The following PXDNL variants were observed in gnomAD, a reference collection of about 807,000 sequenced individuals.
The protein encoded by PXDNL is peroxidasin like, also known as probable oxidoreductase PXDNL.
In PXDNL, 145 loss-of-function variants were observed where a neutral mutation model predicts 150.8. The ratio of observed to expected loss-of-function variants is 0.96; its 90% CI spans 0.84 to 1.10. PXDNL has a LOEUF of 1.10. PXDNL is among the 50% of genes least tolerant of loss of function. The pLI is 0.00. For missense variants in PXDNL, 2,087 were observed against 1,873.9 expected (o/e 1.11, Z -2.10); for synonymous variants, 757 against 725.7 (o/e 1.04, Z -0.69).
At chr8:51,557,240 A>G (rs904295702) in intron 3 of PXDNL, among the ~76,000 whole-genome samples, 11 of 152,106 alleles carry the variant, frequency 7.2e-5, no homozygotes, top group African/African-American at 2.4e-4. Flanking sequence ...AATTTTTTAA[A>G]ATTTATTTTA....
intron 4 of PXDNL, among the ~76,000 whole-genome samples, chr8:51,500,501 C>T (rs1193623441): frequency 6.6e-6 from 1 of 152,210 alleles, no homozygotes; most frequent in Non-Finnish European, 1.5e-5. Flanking sequence ...TTGAGCAGAC[C>T]TTTGTGAAGC....
At chr8:51,470,092 C>T (rs889225285) in intron 8 of PXDNL, among the ~76,000 whole-genome samples, 1 of 151,960 alleles carries the variant, frequency 6.6e-6, no homozygotes, top group Non-Finnish European at 1.5e-5. Context: ...CTTGAACACA[C>T]CATTTTAAAA....
At position 51,339,669 on chromosome 8, in the gene PXDNL, C is replaced by T. The variant is rs370396478; in HGVS notation, c.4101G>A (p.Thr1367=). ...AKTKFSQDFS[T]FAAEIQETIT... ...TGGTTTCCTGAATTTCCGCTGCAAACGTGCTGAAATCTTGGGAGAACTTTG... is the reference window on the plus strand; with the variant it reads ...TGGTTTCCTGAATTTCCGCTGCAAATGTGCTGAAATCTTGGGAGAACTTTG... The change falls in exon 21 of 23, where the codon ACG becomes ACA. Residue 1367 remains threonine (T), a synonymous_variant. Transcript: ENST00000356297. 4.0e-5 allele frequency: 64 copies of T among 1,613,602 alleles called. No individual in the cohort carries two copies. The highest frequency in any genetic ancestry group is 2.0e-4 in the African/African-American group (15 of 74,924).
intron 14 of PXDNL, among the ~76,000 whole-genome samples, chr8:51,415,167 A>C (rs955162718): frequency 2.6e-5 from 4 of 152,222 alleles, no homozygotes; most frequent in Non-Finnish European, 5.9e-5. Context: ...ATTGAAATCC[A>C]CAAGGGTATG....
chr8:51,343,812 C>G (rs1806063828), intron 20 of PXDNL, among the ~76,000 whole-genome samples: 1 of 152,142 alleles, frequency 6.6e-6, no homozygotes, highest in Admixed American at 6.5e-5. Context: ...AACGCTTCAC[C>G]TGAATCAATG....
chr8:51,623,765 T>G (rs1210861303), intron 2 of PXDNL, among the ~76,000 whole-genome samples: 1 of 152,060 alleles, frequency 6.6e-6, no homozygotes, highest in Non-Finnish European at 1.5e-5. Flanking sequence ...TGCCATAAAG[T>G]TTGTTTAAAG....
chr8:51,332,623 G>C (rs1805723294), intron 21 of PXDNL, among the ~76,000 whole-genome samples: 1 of 151,436 alleles, frequency 6.6e-6, no homozygotes, highest in Admixed American at 6.6e-5. Context: ...CAATGAAATA[G>C]AGTGCTTAAA....
At chr8:51,595,553 G>C (rs1418119612) in intron 2 of PXDNL, among the ~76,000 whole-genome samples, 1 of 151,960 alleles carries the variant, frequency 6.6e-6, no homozygotes. Context: ...TGCTTGTTAT[G>C]GTTATGCTTA....
intron 21 of PXDNL, 151 bp from the exon 22 acceptor site, chr8:51,321,048 C>G (rs1467676006): frequency 1.6e-6 from 1 of 615,968 alleles, no homozygotes; most frequent in African/African-American, 1.9e-5. Context: ...TTTCATTTTC[C>G]CCCAGGACTT....
intron 2 of PXDNL, among the ~76,000 whole-genome samples, chr8:51,613,180 A>T (rs1234564203): frequency 2.0e-5 from 3 of 152,110 alleles, no homozygotes; most frequent in Non-Finnish European, 2.9e-5. Flanking sequence ...CTGGATTACC[A>T]GAGGATGCTG....
chr8:51,359,411 T>C (rs1382430718), intron 19 of PXDNL, among the ~76,000 whole-genome samples: 3 of 152,144 alleles, frequency 2.0e-5, no homozygotes, highest in Admixed American at 2.0e-4. Context: ...TTGATCTCTG[T>C]TGAGACTGAT....
chr8:51,750,576 G>A (rs1030562996), intron 1 of PXDNL, among the ~76,000 whole-genome samples: 1 of 152,174 alleles, frequency 6.6e-6, no homozygotes, highest in African/African-American at 2.4e-5. Flanking sequence ...TCATTATGTG[G>A]TGCATGACTG....
intron 19 of PXDNL, among the ~76,000 whole-genome samples, chr8:51,347,990 C>G (rs1806213744): frequency 6.6e-6 from 1 of 152,140 alleles, no homozygotes; most frequent in South Asian, 2.1e-4. Flanking sequence ...CTTTCTATTT[C>G]TGAATAGCAC....
intron 2 of PXDNL, among the ~76,000 whole-genome samples, chr8:51,617,469 G>A (rs963150798): frequency 6.6e-6 from 1 of 152,178 alleles, no homozygotes; most frequent in Non-Finnish European, 1.5e-5. Flanking sequence ...TTGTTTCACT[G>A]CCACTGCAAA....
intron 3 of PXDNL, among the ~76,000 whole-genome samples, chr8:51,560,315 A>G (rs920096020): frequency 1.1e-4 from 17 of 151,998 alleles, no homozygotes; most frequent in African/African-American, 4.1e-4. Flanking sequence ...AGGGAATCTC[A>G]TCCTAAAATC....
At chr8:51,710,507 A>G (rs1419077469) in intron 1 of PXDNL, among the ~76,000 whole-genome samples, 1 of 152,196 alleles carries the variant, frequency 6.6e-6, no homozygotes, top group African/African-American at 2.4e-5. Flanking sequence ...AATGCAACCA[A>G]CTATAGTCAC....
At chr8:51,750,846 C>T (rs1450052413) in intron 1 of PXDNL, among the ~76,000 whole-genome samples, 2 of 152,094 alleles carry the variant, frequency 1.3e-5, no homozygotes, top group Admixed American at 1.3e-4. Context: ...TCCGCGGTTT[C>T]GGGCATCCAC....
At chr8:51,776,928 A>C (rs2037360134) in intron 1 of PXDNL, among the ~76,000 whole-genome samples, 1 of 152,156 alleles carries the variant, frequency 6.6e-6, no homozygotes, top group Admixed American at 6.5e-5. Flanking sequence ...AAATGTAGAC[A>C]TAGACAGTCC....
chr8:51,596,167 T>C (rs1813560444), intron 2 of PXDNL, among the ~76,000 whole-genome samples: 1 of 152,280 alleles, frequency 6.6e-6, no homozygotes, highest in East Asian at 1.9e-4. Context: ...TTTTGGTTCA[T>C]GCATTAATTC....
Sources: gnomAD v4.1 joint callset for allele counts (sites outside exome capture counted in the v4.1 genomes callset) on GRCh38, gnomAD v4.1.1 for gene constraint, MANE v1.5 for transcripts, NCBI Gene and HGNC (gene_info 2026-07-23, HGNC 2026-07-21) for gene names.